The following FGF14 variants were observed in gnomAD, a reference collection of about 807,000 sequenced individuals.
FGF14 encodes fibroblast growth factor 14.
In FGF14, 5 loss-of-function variants were observed where a neutral mutation model predicts 25.5. That is an observed-to-expected ratio of 0.20 (90% CI 0.10 to 0.41). The LOEUF is 0.41. FGF14 is among the 10% of genes least tolerant of loss of function. The probability of loss-of-function intolerance (pLI) is 1.00; values close to 1 mark genes in which losing one functional copy is unlikely to be tolerated. For missense variants in FGF14, 222 were observed against 320.1 expected (o/e 0.69, Z 2.34); for synonymous variants, 138 against 118.3 (o/e 1.17, Z -1.08).
At chr13:101,812,635 ATATATATATATATATATATTTTTTT>A (rs1459288603) in intron 3 of FGF14, among the ~76,000 whole-genome samples, 2 of 11,026 alleles carry the variant, frequency 1.8e-4, no homozygotes, top group African/African-American at 6.5e-4. Context: ...ATATATATAT[ATATATATATATATATATATTTTTTT>A]TTTTTTTTTT....
At chr13:101,829,101 C>A (rs76724895) in intron 3 of FGF14, among the ~76,000 whole-genome samples, 293 of 152,130 alleles carry the variant, frequency 1.9e-3, no homozygotes, top group African/African-American at 6.7e-3. Flanking sequence ...CAGGTAAGCA[C>A]TGACATCCAG....
At chr13:101,945,940 G>C (rs1440451880) in intron 1 of FGF14, among the ~76,000 whole-genome samples, 1 of 151,924 alleles carries the variant, frequency 6.6e-6, no homozygotes, top group Non-Finnish European at 1.5e-5. Context: ...TGGGTCACTA[G>C]GGAATTTATT....
rs185619308 is a variant in FGF14, at chr13:102,368,660, A to T, written c.208+32811T>A. Among the ~76,000 whole-genome samples, 117 of 152,290 alleles carry T rather than the reference A, an allele frequency of 7.7e-4. No individual in the cohort carries two copies. The East Asian group carries it at 0.02, about 27-fold the overall frequency. On this transcript the variant is annotated intron_variant, in intron 1 of 4. Transcript: ENST00000376131. Reference sequence around the variant, plus strand: ...GACAGAAATGATAATAGCTTAAAAGATTTACCAATCCTGACAATAATGCCA... The same window carrying T: ...GACAGAAATGATAATAGCTTAAAAGTTTTACCAATCCTGACAATAATGCCA...
In FGF14 at chr13:102,337,807, G is replaced by A. The variant is rs142215312; in HGVS notation, c.208+63664C>T. ...GACTCTCCACCAGCAAAAAGATTAC[G>A]GCTCATGGTAGGCTCAGATGATTGT... is the stretch of plus-strand genomic sequence containing the variant. On this transcript the variant is annotated intron_variant, in intron 1 of 4. Coordinates refer to the FGF14 transcript ENST00000376131. 3.4e-3 allele frequency among the ~76,000 whole-genome samples: 516 copies of A among 151,972 alleles called. 1 individual carries two copies. The highest frequency in any genetic ancestry group is 0.012 in the African/African-American group (482 of 41,468).
chr13:102,266,559 T>A (rs1040461928), intron 1 of FGF14, among the ~76,000 whole-genome samples: 2 of 152,048 alleles, frequency 1.3e-5, no homozygotes, highest in African/African-American at 4.8e-5. Flanking sequence ...TATAAAAGAA[T>A]TGCTCCCAAT....
intron 3 of FGF14, among the ~76,000 whole-genome samples, chr13:101,751,816 C>G (rs940397168): frequency 1.3e-5 from 2 of 152,040 alleles, no homozygotes; most frequent in African/African-American, 4.8e-5. Context: ...GACTCCTGCT[C>G]TAGTTCCTAT....
intron 1 of FGF14, among the ~76,000 whole-genome samples, chr13:102,201,509 A>G (rs914337978): frequency 5.3e-5 from 8 of 152,190 alleles, no homozygotes; most frequent in African/African-American, 1.9e-4. Context: ...GTGATTCACA[A>G]ATTTAATTCT....
At chr13:101,983,419 GC>G (rs1173648492) in intron 1 of FGF14, among the ~76,000 whole-genome samples, 8 of 152,090 alleles carry the variant, frequency 5.3e-5, no homozygotes, top group Non-Finnish European at 7.4e-5. Flanking sequence ...TCAGATCTCA[GC>G]CACGTATCAA....
At chr13:102,155,017 T>G (rs1177998522) in intron 1 of FGF14, among the ~76,000 whole-genome samples, 1 of 152,138 alleles carries the variant, frequency 6.6e-6, no homozygotes, top group Non-Finnish European at 1.5e-5. Context: ...ATAAAGCCAG[T>G]CCTTAGAGAC....
chr13:102,233,292 C>T (rs1260906277), intron 1 of FGF14, among the ~76,000 whole-genome samples: 5 of 151,870 alleles, frequency 3.3e-5, no homozygotes, highest in Non-Finnish European at 7.4e-5. Flanking sequence ...CCACCACACC[C>T]GGCTAATTTT....
intron 3 of FGF14, among the ~76,000 whole-genome samples, chr13:101,806,687 T>C (rs1329393305): frequency 1.3e-5 from 2 of 152,120 alleles, no homozygotes; most frequent in Non-Finnish European, 2.9e-5. Context: ...TGTGCTATAG[T>C]ATCCTGAAAA....
At chr13:102,154,962 A>T (rs1395434685) in intron 1 of FGF14, among the ~76,000 whole-genome samples, 3 of 152,222 alleles carry the variant, frequency 2.0e-5, no homozygotes, top group African/African-American at 7.2e-5. Context: ...AGAAGAGCTA[A>T]CTATCCTAAA....
At chr13:102,073,177 A>T (rs1595179139) in intron 1 of FGF14, among the ~76,000 whole-genome samples, 2 of 152,146 alleles carry the variant, frequency 1.3e-5, no homozygotes, top group South Asian at 4.1e-4. Flanking sequence ...ATTTGAACCC[A>T]GGAGGCAGGG....
intron 1 of FGF14, among the ~76,000 whole-genome samples, chr13:101,943,826 A>ATATATATATATATATAT (rs1248619839): frequency 7.2e-4 from 91 of 126,766 alleles, no homozygotes; most frequent in African/African-American, 2.8e-3. Flanking sequence ...AAAAAAAAAA[A>ATATATATATATATATAT]ATATATATAT....
At chr13:102,184,667 C>A (rs563031057) in intron 1 of FGF14, among the ~76,000 whole-genome samples, 1 of 152,198 alleles carries the variant, frequency 6.6e-6, no homozygotes, top group South Asian at 2.1e-4. Flanking sequence ...ATTTGCCTAT[C>A]AAATGAAAGA....
chr13:102,148,041 A>T (rs2046925591), intron 1 of FGF14, among the ~76,000 whole-genome samples: 1 of 152,176 alleles, frequency 6.6e-6, no homozygotes, highest in African/African-American at 2.4e-5. Context: ...TTTTTAATAA[A>T]TCTGAATTAA....
At chr13:101,955,362 C>T (rs1251404842) in intron 1 of FGF14, among the ~76,000 whole-genome samples, 1 of 152,192 alleles carries the variant, frequency 6.6e-6, no homozygotes, top group Non-Finnish European at 1.5e-5. Context: ...CTCCTGCCTT[C>T]ATGAGTGGGG....
chr13:102,320,300 A>G (rs73581278), intron 1 of FGF14, among the ~76,000 whole-genome samples: 1,536 of 151,988 alleles, frequency 0.01, 28 homozygotes, highest in African/African-American at 0.035. Flanking sequence ...AGACTTCACA[A>G]GTCAACAAAG....
intron 1 of FGF14, among the ~76,000 whole-genome samples, chr13:102,331,746 T>C (rs2056638695): frequency 6.6e-6 from 1 of 152,134 alleles, no homozygotes; most frequent in African/African-American, 2.4e-5. Context: ...TCATACATAA[T>C]TGGTGGACAA....
Sources: gnomAD v4.1 joint callset for allele counts (sites outside exome capture counted in the v4.1 genomes callset) on GRCh38, gnomAD v4.1.1 for gene constraint, MANE v1.5 for transcripts, NCBI Gene and HGNC (gene_info 2026-07-23, HGNC 2026-07-21) for gene names.